The following NPSR1 variants were observed in gnomAD, a reference collection of about 807,000 sequenced individuals.
The protein encoded by NPSR1 is neuropeptide S receptor 1, also known as neuropeptide S receptor.
In NPSR1, 48 loss-of-function variants were observed where a neutral mutation model predicts 46.9. That is an observed-to-expected ratio of 1.02 (90% CI 0.81 to 1.30). The LOEUF is 1.30. NPSR1 is among the 50% of genes most tolerant of loss of function. The pLI is 0.00. For missense variants in NPSR1, 450 were observed against 449.5 expected, an observed-to-expected ratio of 1.00 and a Z score of -0.01; for synonymous variants, 176 against 168.1, an observed-to-expected ratio of 1.05 and a Z score of -0.36.
chr7:34,803,251 T>C (rs1788512143), intron 3 of NPSR1, among the ~76,000 whole-genome samples: 1 of 151,908 alleles, frequency 6.6e-6, no homozygotes, highest in South Asian at 2.1e-4. Context: ...CATGCTGCTA[T>C]AAAGACACAT....
chr7:34,729,577 TA>T (rs1321044889), intron 2 of NPSR1, among the ~76,000 whole-genome samples: 1 of 152,044 alleles, frequency 6.6e-6, no homozygotes, highest in African/African-American at 2.4e-5. Context: ...TGATTAAGAA[TA>T]AAAAACAAGA....
In NPSR1 at chr7:34,827,546, C is replaced by T; in HGVS notation, c.624C>T (p.Thr208=). The T allele has an allele frequency of 6.2e-7, 1 of 1,613,278 alleles. No individual in the cohort carries two copies. Among genetic ancestry groups the T allele is most frequent in the Non-Finnish European group, 8.5e-7 (1 of 1,179,676 alleles). ...TGTGGCCTGACGACTCCTACTGGAC[C>T]CCATACATGACCATCGTGGCCTTCC... is the stretch of plus-strand genomic sequence containing the variant. ...WALWPDDSYW[T]PYMTIVAFLV... is the part of the protein sequence containing the mutation. The change falls in exon 5 of 9, where the codon ACC becomes ACT. Residue 208 remains threonine, a synonymous_variant. Transcript: ENST00000360581.
intron 3 of NPSR1, among the ~76,000 whole-genome samples, chr7:34,795,868 C>G (rs1284686119): frequency 6.6e-6 from 1 of 152,072 alleles, no homozygotes; most frequent in Non-Finnish European, 1.5e-5. Context: ...CAGTCAGTAA[C>G]CCAGCAAGTT....
At chr7:34,780,251 C>T (rs1213981189) in intron 3 of NPSR1, among the ~76,000 whole-genome samples, 3 of 152,218 alleles carry the variant, frequency 2.0e-5, no homozygotes, top group East Asian at 1.9e-4. Flanking sequence ...GGATTATTTT[C>T]GACATGTTGG....
chr7:34,756,077 C>G (rs561850415), intron 2 of NPSR1, among the ~76,000 whole-genome samples: 1 of 152,188 alleles, frequency 6.6e-6, no homozygotes, highest in South Asian at 2.1e-4. Flanking sequence ...TTACACTCAG[C>G]TGGGAGTTCA....
chr7:34,673,002 C>CCTGCAGTGAGAA (rs1377080086), intron 1 of NPSR1, among the ~76,000 whole-genome samples: 2 of 152,174 alleles, frequency 1.3e-5, no homozygotes, highest in African/African-American at 4.8e-5. Flanking sequence ...TCCTCACTAA[C>CCTGCAGTGAGAA]CTGCAGTTCT....
chr7:34,852,594 C>T (rs1456930029), downstream of NPSR1, among the ~76,000 whole-genome samples: 11 of 151,954 alleles, frequency 7.2e-5, no homozygotes, highest in African/African-American at 1.5e-4. Flanking sequence ...AGTCATTTGC[C>T]CTTTAGAGGT....
intron 8 of NPSR1, among the ~76,000 whole-genome samples, chr7:34,875,148 T>C (rs1039004527): frequency 6.6e-6 from 1 of 152,232 alleles, no homozygotes; most frequent in Admixed American, 6.5e-5. Context: ...AATTAATGAA[T>C]GAATGCATGG....
Position 34,761,952 on chromosome 7 carries a change from T to C in NPSR1, c.281-16510T>C, listed in dbSNP as rs324958. Among the ~76,000 whole-genome samples the C allele has an allele frequency of 7.3e-3, 1,116 of 152,288 alleles. 14 individuals carry two copies. The highest frequency in any genetic ancestry group is 0.025 in the African/African-American group (1,052 of 41,556). ...TATTGCTGAACCTGATGCTTGTGCT[T>C]ATGAGCACAGGAGTTTTTTGTGGCC... On this transcript the variant is annotated intron_variant, in intron 2 of 8. Transcript: ENST00000360581.
intron 3 of NPSR1, among the ~76,000 whole-genome samples, chr7:34,805,193 T>C (rs1270174600): frequency 6.6e-6 from 1 of 151,712 alleles, no homozygotes; most frequent in South Asian, 2.1e-4. Context: ...TAAAATCATA[T>C]GGAAAGGCAA....
chr7:34,792,322 A>G (rs1435652329), intron 3 of NPSR1, among the ~76,000 whole-genome samples: 3 of 151,868 alleles, frequency 2.0e-5, no homozygotes. Flanking sequence ...TACATATGAT[A>G]AAGGGTTAAT....
chr7:34,664,619 A>ATTTTT (rs1562635955), intron 1 of NPSR1, among the ~76,000 whole-genome samples: 9 of 103,170 alleles, frequency 8.7e-5, no homozygotes, highest in African/African-American at 5.5e-4. Flanking sequence ...TTTTTTTTAA[A>ATTTTT]AAAAAAAAAT....
At chr7:34,673,844 A>G (rs1000255650) in intron 1 of NPSR1, among the ~76,000 whole-genome samples, 3 of 152,192 alleles carry the variant, frequency 2.0e-5, no homozygotes, top group Non-Finnish European at 4.4e-5. Context: ...TATTTTCATA[A>G]TTGAGTGTTG....
intron 1 of NPSR1, among the ~76,000 whole-genome samples, chr7:34,679,761 G>A (rs917152447): frequency 6.6e-6 from 1 of 151,952 alleles, no homozygotes; most frequent in Admixed American, 6.6e-5. Flanking sequence ...ATTAAAATGT[G>A]TAAACAAAAA....
chr7:34,774,890 C>T (rs931752819), intron 2 of NPSR1, among the ~76,000 whole-genome samples: 9 of 152,172 alleles, frequency 5.9e-5, no homozygotes, highest in African/African-American at 1.7e-4. Context: ...GCCTCCAAAA[C>T]ACAAAGAGGC....
At chr7:34,789,751 A>G (rs576967473) in intron 3 of NPSR1, among the ~76,000 whole-genome samples, 1 of 151,094 alleles carries the variant, frequency 6.6e-6, no homozygotes, top group South Asian at 2.1e-4. Context: ...AAAAAAAAAA[A>G]AAAAAAAAAA....
intron 2 of NPSR1, among the ~76,000 whole-genome samples, chr7:34,690,293 C>T (rs1471355922): frequency 6.6e-6 from 1 of 152,036 alleles, no homozygotes; most frequent in African/African-American, 2.4e-5. Context: ...GAAGAGATAG[C>T]TTATCTGGAT....
chr7:34,667,655 A>C (rs1459322837), intron 1 of NPSR1, among the ~76,000 whole-genome samples: 1 of 152,184 alleles, frequency 6.6e-6, no homozygotes, highest in African/African-American at 2.4e-5. Flanking sequence ...TTCTAAAGAC[A>C]GGAGTAGGTG....
Position 34,827,550 on chromosome 7 carries a change from T to A in NPSR1, c.628T>A (p.Tyr210Asn). 2 of 1,563,384 alleles carry A rather than the reference T, an allele frequency of 1.3e-6. No homozygotes were observed. Among genetic ancestry groups the A allele is most frequent in the Non-Finnish European group, 1.7e-6 (2 of 1,150,726 alleles). The change falls in exon 5 of 9, where the codon TAC becomes AAC. Residue 210 changes from tyrosine (Y) to asparagine (N), a missense_variant. Coordinates refer to ENST00000360581, the MANE Select transcript of NPSR1 (RefSeq NM_207172.2). ...LWPDDSYWTP[Y>N]MTIVAFLVYF... ...GCCTGACGACTCCTACTGGACCCCA[T>A]ACATGACCATCGTGGCCTTCCTGGT...
Sources: allele counts gnomAD v4.1 joint callset (sites outside exome capture counted in the v4.1 genomes callset), GRCh38; gene constraint gnomAD v4.1.1; transcripts MANE v1.5; gene names NCBI Gene and HGNC (gene_info 2026-07-23, HGNC 2026-07-21).